Variants in B3GLCT observed in about 807,000 individuals in gnomAD.
The protein encoded by B3GLCT is beta 3-glucosyltransferase.
B3GLCT carries 65 observed loss-of-function variants against 63.4 expected under a neutral mutation model. The observed-to-expected ratio is 1.03, with a 90% CI of 0.84 to 1.26. B3GLCT has a LOEUF of 1.26. Among genes scored for constraint, B3GLCT ranks in the 50% most tolerant of loss-of-function variants. The pLI, the probability that B3GLCT is intolerant of heterozygous loss-of-function variation, is 0.00. For synonymous variants in B3GLCT, 233 were observed against 219.2 expected (o/e 1.06, Z -0.55); for missense variants, 577 against 604.8 (o/e 0.95, Z 0.48).
At chr13:31,318,554 T>C (rs1165115813) in intron 13 of B3GLCT, among the ~76,000 whole-genome samples, 1 of 152,200 alleles carries the variant, frequency 6.6e-6, no homozygotes, top group Non-Finnish European at 1.5e-5. Flanking sequence ...TAACCAAACC[T>C]GAGCATGTGT....
chr13:31,253,018 G>C (rs1027225320), intron 6 of B3GLCT, among the ~76,000 whole-genome samples: 1 of 152,196 alleles, frequency 6.6e-6, no homozygotes, highest in Non-Finnish European at 1.5e-5. Flanking sequence ...CAGTCTCTCA[G>C]ACCACAGTGC....
rs946759687 is a variant in B3GLCT at position 31,223,031 on chromosome 13, G to A, written c.160+40G>A. On this transcript the variant is annotated intron_variant, in intron 3 of 14. Transcript: ENST00000343307. ...TTTTTACCTAAGAGTGTGTACTTAG[G>A]TATATTTTGTATGAATTATATTTCC... The A allele has an allele frequency of 5.0e-6, 6 of 1,209,726 alleles. No homozygotes were observed. In the East Asian group the frequency reaches 7.0e-5, roughly 14 times the overall value. 74.9% of individuals were successfully genotyped at this position (1,209,726 alleles called of 1,614,324 possible).
intron 13 of B3GLCT, among the ~76,000 whole-genome samples, chr13:31,322,426 A>G (rs1234433387): frequency 6.6e-6 from 1 of 152,256 alleles, no homozygotes; most frequent in East Asian, 1.9e-4. Context: ...ATTGAAGGAA[A>G]TAAAATAATC....
chr13:31,323,874 A>C lies in B3GLCT; in HGVS notation c.1308A>C (p.Thr436=). Residue 436 remains threonine, a synonymous_variant, in exon 14 of 15, where the codon ACA becomes ACC. Coordinates refer to ENST00000343307, the MANE Select transcript of B3GLCT (RefSeq NM_194318.4). ...MCFSGLGIPV[T]HSPLFHQARP... is the part of the protein sequence containing the mutation. ...TTAGTGGCTTGGGAATCCCTGTGAC[A>C]CACAGCCCTCTCTTCCATCAGGTGA... 1.9e-6 allele frequency: 3 copies of C among 1,614,214 alleles called. No individual in the cohort carries two copies. Among genetic ancestry groups the C allele is most frequent in the Non-Finnish European group, 2.5e-6 (3 of 1,180,036 alleles).
At chr13:31,265,557 C>G (rs1872250222) in intron 7 of B3GLCT, among the ~76,000 whole-genome samples, 1 of 152,156 alleles carries the variant, frequency 6.6e-6, no homozygotes, top group African/African-American at 2.4e-5. Flanking sequence ...TGTTTCCAAC[C>G]AAAATTTTAT....
chr13:31,247,072 C>T lies in B3GLCT; in HGVS notation c.320C>T (p.Ala107Val). The T allele has an allele frequency of 8.1e-6, 13 of 1,613,476 alleles. No homozygotes were observed. Among genetic ancestry groups the T allele is most frequent in the Non-Finnish European group, 1.1e-5 (13 of 1,179,762 alleles). ...CATCAGCTGGCTAAACAAGAAGGTG[C>T]ATGGACCATACTTCCGTTGTTACCG... ...LLHQLAKQEG[A>V]WTILPLLPHF... Residue 107 changes from alanine to valine, a missense_variant, in exon 5 of 15, where the codon GCA becomes GTA. Coordinates refer to ENST00000343307, the MANE Select transcript of B3GLCT (RefSeq NM_194318.4).
At chr13:31,208,992 C>T (rs1169679690) in intron 1 of B3GLCT, among the ~76,000 whole-genome samples, 3 of 152,200 alleles carry the variant, frequency 2.0e-5, no homozygotes, top group Non-Finnish European at 4.4e-5. Context: ...GGGACCCTGC[C>T]TGGGTCACTC....
At chr13:31,202,848 A>G (rs2137725125) in intron 1 of B3GLCT, among the ~76,000 whole-genome samples, 1 of 152,306 alleles carries the variant, frequency 6.6e-6, no homozygotes, top group East Asian at 1.9e-4. Context: ...GCCAGTAGTA[A>G]GGATGGTAGA....
chr13:31,237,059 G>A (rs1486488430), intron 4 of B3GLCT, among the ~76,000 whole-genome samples: 1 of 151,586 alleles, frequency 6.6e-6, no homozygotes, highest in Non-Finnish European at 1.5e-5. Flanking sequence ...CTAGTAGGCG[G>A]AGGTCGCAGT....
intron 2 of B3GLCT, among the ~76,000 whole-genome samples, chr13:31,222,451 A>G (rs974084054): frequency 6.6e-6 from 1 of 152,156 alleles, no homozygotes; most frequent in African/African-American, 2.4e-5. Context: ...ACTACTCCTC[A>G]GGTTGGAGAG....
chr13:31,273,086 TTTTC>T (rs1037590434), intron 8 of B3GLCT, among the ~76,000 whole-genome samples: 1 of 152,174 alleles, frequency 6.6e-6, no homozygotes, highest in African/African-American at 2.4e-5. Flanking sequence ...TATTTTTCTT[TTTTC>T]TTTCTTTGTT....
intron 10 of B3GLCT, chr13:31,283,455 T>C (rs915770179): frequency 3.9e-5 from 6 of 152,194 alleles, no homozygotes; most frequent in Non-Finnish European, 1.5e-5. Flanking sequence ...AGCCCTATTA[T>C]TTAGTACATC....
In B3GLCT at chr13:31,329,508, C is replaced by G; in HGVS notation, c.1337C>G (p.Pro446Arg). 1 of 1,614,142 alleles carries G rather than the reference C, an allele frequency of 6.2e-7. No individual in the cohort carries two copies. Among genetic ancestry groups the G allele is most frequent in the Non-Finnish European group, 8.5e-7 (1 of 1,180,026 alleles). The change falls in exon 15 of 15, where the codon CCG becomes CGG. Residue 446 changes from proline to arginine, a missense_variant. By Grantham distance (103) the Pro-to-Arg change is moderately radical. Coordinates refer to ENST00000343307, the MANE Select transcript of B3GLCT (RefSeq NM_194318.4). ...THSPLFHQAR[P>R]VDYPKDYLSH... is the part of the protein sequence containing the mutation. ...TCTCTATTTTTCCTGCAGGCTCGGC[C>G]GGTGGATTACCCTAAGGACTACCTT...
At chr13:31,253,607 A>AG (rs1871553869) in intron 6 of B3GLCT, among the ~76,000 whole-genome samples, 1 of 145,636 alleles carries the variant, frequency 6.9e-6, no homozygotes, top group African/African-American at 2.5e-5. Flanking sequence ...AAAAAAAAAA[A>AG]AAAAAAAAAA....
chr13:31,324,754 G>A (rs150442168), intron 14 of B3GLCT, among the ~76,000 whole-genome samples: 1 of 151,708 alleles, frequency 6.6e-6, no homozygotes, highest in African/African-American at 2.4e-5. Flanking sequence ...TTTGAGATAG[G>A]GTCTTGCTCA....
intron 1 of B3GLCT, among the ~76,000 whole-genome samples, chr13:31,200,756 G>GGCCA (rs1868617268): frequency 6.6e-6 from 1 of 151,974 alleles, no homozygotes; most frequent in Non-Finnish European, 1.5e-5. Flanking sequence ...GAGGATAAGC[G>GGCCA]GCCAGCTCGG....
chr13:31,207,691 A>G (rs1869031406), intron 1 of B3GLCT, among the ~76,000 whole-genome samples: 1 of 152,188 alleles, frequency 6.6e-6, no homozygotes, highest in Non-Finnish European at 1.5e-5. Flanking sequence ...GACTTCTGTA[A>G]TAAAACAGGA....
At chr13:31,326,274 C>CA in intron 14 of B3GLCT, among the ~76,000 whole-genome samples, 1 of 118,278 alleles carries the variant, frequency 8.5e-6, no homozygotes, top group African/African-American at 3.1e-5. Flanking sequence ...GAGGTCTTTC[C>CA]CTTTTTTTTT....
At chr13:31,266,473 T>C (rs1872329121) in intron 7 of B3GLCT, among the ~76,000 whole-genome samples, 1 of 152,214 alleles carries the variant, frequency 6.6e-6, no homozygotes, top group Admixed American at 6.5e-5. Context: ...GAAACTAGCA[T>C]TGGAAAAACC....
Sources: allele counts gnomAD v4.1 joint callset (sites outside exome capture counted in the v4.1 genomes callset), GRCh38; gene constraint gnomAD v4.1.1; transcripts MANE v1.5; gene names NCBI Gene and HGNC (gene_info 2026-07-23, HGNC 2026-07-21).